The following IL6R variants were observed in gnomAD, a reference collection of about 807,000 sequenced individuals.
IL6R encodes interleukin 6 receptor, also known as interleukin-6 receptor subunit alpha.
IL6R carries 38 observed loss-of-function variants against 48.3 expected under a neutral mutation model. That is an observed-to-expected ratio of 0.79 (90% CI 0.61 to 1.03). The LOEUF is 1.03. Among genes scored for constraint, IL6R ranks in the 50% least tolerant of loss-of-function variants. The probability of loss-of-function intolerance (pLI) is 0.00; values close to 1 mark genes in which losing one functional copy is unlikely to be tolerated. For missense variants in IL6R, 534 were observed against 618.3 expected, an observed-to-expected ratio of 0.86 and a Z score of 1.45; for synonymous variants, 264 against 256.2, an observed-to-expected ratio of 1.03 and a Z score of -0.29.
chr1:154,428,737 G>A (rs946812580), intron 1 of IL6R, among the ~76,000 whole-genome samples: 3 of 152,200 alleles, frequency 2.0e-5, no homozygotes, highest in Non-Finnish European at 2.9e-5. Context: ...TGGGGGACCG[G>A]AAACGATGTT....
chr1:154,454,423 C>T, intron 8 of IL6R, 65 bp from the exon 9 acceptor site: 1 of 1,065,852 alleles, frequency 9.4e-7, no homozygotes, highest in Admixed American at 2.0e-5. Context: ...TTTTCTTCTC[C>T]TCCTATTCCT....
At chr1:154,430,353 G>C (rs1339353175) in intron 2 of IL6R, 130 bp from the exon 3 acceptor site, 1 of 1,183,966 alleles carries the variant, frequency 8.4e-7, no homozygotes, top group Non-Finnish European at 1.2e-6. Context: ...CCAGGGTCCT[G>C]ACTAGCTCCA....
At chr1:154,460,438 A>AG (rs1391076373) in intron 9 of IL6R, among the ~76,000 whole-genome samples, 1 of 150,338 alleles carries the variant, frequency 6.7e-6, no homozygotes, top group East Asian at 2.0e-4. Context: ...TGAAAAAAAA[A>AG]CTGAGGACAG....
chr1:154,453,747 C>G (rs1557777878), intron 8 of IL6R, among the ~76,000 whole-genome samples: 1 of 152,252 alleles, frequency 6.6e-6, no homozygotes, highest in East Asian at 1.9e-4. Flanking sequence ...TGGAGAAATA[C>G]TGGGAGGGGC....
Position 154,468,978 on chromosome 1 carries a change from C to A in IL6R, c.*3598C>A, listed in dbSNP as rs536922359. On this transcript the variant is annotated 3_prime_UTR_variant, in exon 10 of 10. Coordinates refer to ENST00000368485, the MANE Select transcript of IL6R (RefSeq NM_000565.4). ...TGCAGCCGTGGGCAGGGGCTGCACA[C>A]GGAGGGGCAGGCGGGCCAGTTCAGG... 6.6e-6 allele frequency: 1 copy of A among 152,194 alleles called. No homozygotes were observed. The highest frequency in any genetic ancestry group is 6.5e-5 in the Admixed American group (1 of 15,284). 9.4% of individuals were successfully genotyped at this position (152,194 alleles called of 1,614,324 possible). A position where few individuals can be genotyped will look rare whatever the true frequency, so the allele number is the denominator to read the frequency against.
intron 1 of IL6R, among the ~76,000 whole-genome samples, chr1:154,421,726 C>A (rs1396763930): frequency 2.0e-5 from 3 of 150,788 alleles, no homozygotes; most frequent in Middle Eastern, 3.7e-3. Flanking sequence ...CTCAAGTGAT[C>A]CTTCTGCCAC....
At chr1:154,413,465 C>A (rs1361341145) in intron 1 of IL6R, among the ~76,000 whole-genome samples, 2 of 152,232 alleles carry the variant, frequency 1.3e-5, no homozygotes, top group Non-Finnish European at 2.9e-5. Flanking sequence ...GATTTGTCAT[C>A]GTGAGACAGA....
At chr1:154,419,993 G>A (rs1370923835) in intron 1 of IL6R, among the ~76,000 whole-genome samples, 1 of 151,982 alleles carries the variant, frequency 6.6e-6, no homozygotes, top group Non-Finnish European at 1.5e-5. Flanking sequence ...CCTGGGAGGG[G>A]GAATCCTAGG....
At chr1:154,414,759 G>A (rs1424355510) in intron 1 of IL6R, 3 of 772,308 alleles carry the variant, frequency 3.9e-6, no homozygotes, top group Non-Finnish European at 7.0e-6. Flanking sequence ...TGGTCTGGAT[G>A]TCCTTGGCAG....
chr1:154,429,541 A>G, intron 2 of IL6R, 97 bp downstream of exon 2: 2 of 1,410,488 alleles, frequency 1.4e-6, no homozygotes, highest in Non-Finnish European at 1.9e-6. Context: ...AACTCCCACC[A>G]TTTCCTTGGC....
rs1265665528 is a variant in IL6R at position 154,465,693 on chromosome 1, G to A, written c.*313G>A. The stretch of plus-strand genomic sequence containing the variant: ...GGACACTCAAAAGCTGGGCAGGTTG[G>A]TGGGGGCCTCGGTGTGGAGAAGCGG... On this transcript the variant is annotated 3_prime_UTR_variant, in exon 10 of 10. Coordinates refer to ENST00000368485, the MANE Select transcript of IL6R (RefSeq NM_000565.4). 1 of 338,982 alleles carries A rather than the reference G, an allele frequency of 3.0e-6. No homozygotes were observed. The highest frequency in any genetic ancestry group is 5.6e-6 in the Non-Finnish European group (1 of 178,902). 21.0% of individuals were successfully genotyped at this position (338,982 alleles called of 1,614,324 possible).
At chr1:154,463,881 A>G (rs1427332220) in intron 9 of IL6R, among the ~76,000 whole-genome samples, 1 of 152,208 alleles carries the variant, frequency 6.6e-6, no homozygotes, top group Non-Finnish European at 1.5e-5. Context: ...TTCCTGTCAG[A>G]TGAGTCAAAT....
At chr1:154,416,308 ATTTTTTT>A (rs1211685761) in intron 1 of IL6R, among the ~76,000 whole-genome samples, 1 of 138,658 alleles carries the variant, frequency 7.2e-6, no homozygotes, top group Non-Finnish European at 1.6e-5. Flanking sequence ...TTAAAAAAAA[ATTTTTTT>A]TTTTTTTTTT....
chr1:154,447,476 T>TATACACACACACACAC (rs1424013885), intron 6 of IL6R, among the ~76,000 whole-genome samples: 3 of 68,832 alleles, frequency 4.4e-5, no homozygotes, highest in African/African-American at 1.7e-4. Flanking sequence ...TATATATATA[T>TATACACACACACACAC]ACACACACAC....
At chr1:154,412,678 T>C (rs1371638586) in intron 1 of IL6R, among the ~76,000 whole-genome samples, 1 of 152,220 alleles carries the variant, frequency 6.6e-6, no homozygotes, top group Non-Finnish European at 1.5e-5. Context: ...ACATTTTTTT[T>C]GAAAGATTAG....
At chr1:154,436,711 C>T (rs1047894165) in intron 6 of IL6R, among the ~76,000 whole-genome samples, 5 of 152,264 alleles carry the variant, frequency 3.3e-5, no homozygotes, top group African/African-American at 1.2e-4. Context: ...AGCCCAGACT[C>T]AGGGCAGGCG....
intron 1 of IL6R, among the ~76,000 whole-genome samples, chr1:154,411,947 CT>C (rs1179153554): frequency 0.027 from 3,601 of 132,586 alleles, 48 homozygotes; most frequent in African/African-American, 0.061. Context: ...TCCTAAGAGC[CT>C]TTTTTTTTTT....
intron 1 of IL6R, chr1:154,414,643 A>T: frequency 1.2e-6 from 1 of 830,304 alleles, no homozygotes; most frequent in Non-Finnish European, 2.0e-6. Flanking sequence ...GTCGATGAAG[A>T]CGGTGTAGCT....
chr1:154,446,100 T>C (rs1690213209), intron 6 of IL6R, among the ~76,000 whole-genome samples: 10 of 152,124 alleles, frequency 6.6e-5, no homozygotes, highest in Admixed American at 4.6e-4. Context: ...TTCATTCTAG[T>C]GCCTCCATGC....
Sources: allele counts gnomAD v4.1 joint callset (sites outside exome capture counted in the v4.1 genomes callset), GRCh38; gene constraint gnomAD v4.1.1; transcripts MANE v1.5; gene names NCBI Gene and HGNC (gene_info 2026-07-23, HGNC 2026-07-21).